Variants in NAAA observed in about 807,000 individuals in gnomAD.
NAAA encodes the protein N-acylethanolamine acid amidase.
NAAA carries 39 observed loss-of-function variants against 44.8 expected under a neutral mutation model. The ratio of observed to expected loss-of-function variants is 0.87; its 90% CI spans 0.67 to 1.14. NAAA has a LOEUF of 1.14. Among genes scored for constraint, NAAA ranks in the 50% most tolerant of loss-of-function variants. The pLI, the probability that NAAA is intolerant of heterozygous loss-of-function variation, is 0.00. For missense variants in NAAA, 460 were observed against 467.8 expected (o/e 0.98, Z 0.15); for synonymous variants, 178 against 191.3 (o/e 0.93, Z 0.58).
intron 5 of NAAA, among the ~76,000 whole-genome samples, chr4:75,924,561 G>A (rs1477443311): frequency 6.6e-6 from 1 of 152,238 alleles, no homozygotes; most frequent in Non-Finnish European, 1.5e-5. Context: ...GGTTCTTGTA[G>A]AGCAGATGTT....
At position 75,940,763 on chromosome 4, in the gene NAAA, C is replaced by T; in HGVS notation, c.187G>A (p.Ala63Thr). The T allele has an allele frequency of 1.3e-6, 2 of 1,597,460 alleles. No homozygotes were observed. Among genetic ancestry groups the T allele is most frequent in the South Asian group, 2.2e-5 (2 of 90,362 alleles). ...GCTCACCCGATGACTTGCGCCATCG[C>T]GGCGCGCACCAAGTCCAAGTCGTAG... ...RHYDLDLVRA[A>T]MAQVIGDRVP... is the part of the protein sequence containing the mutation. The change falls in exon 1 of 11, where the codon GCG becomes ACG. Residue 63 changes from alanine (A) to threonine (T), a missense_variant. Physicochemically the swap from Ala to Thr is moderately conservative, Grantham distance 58 (BLOSUM62 0). Coordinates refer to ENST00000286733, the MANE Select transcript of NAAA (RefSeq NM_014435.4).
At chr4:75,918,090 G>C (rs377208105) in intron 9 of NAAA, among the ~76,000 whole-genome samples, 2 of 152,340 alleles carry the variant, frequency 1.3e-5, no homozygotes, top group South Asian at 2.1e-4. Flanking sequence ...TAGGAATCAA[G>C]AGGTCAGCCA....
chr4:75,929,589 C>T (rs73825583), intron 4 of NAAA, among the ~76,000 whole-genome samples: 250 of 152,262 alleles, frequency 1.6e-3, no homozygotes, highest in African/African-American at 5.6e-3. Flanking sequence ...AATAAATATA[C>T]ATGTAATTAT....
At chr4:75,940,682 G>A (rs1578097567) in intron 1 of NAAA, 62 bp downstream of exon 1, 3 of 1,512,862 alleles carry the variant, frequency 2.0e-6, no homozygotes, top group Non-Finnish European at 1.8e-6. Context: ...TGAGCAGCGC[G>A]CGTTTGACTC....
At chr4:75,918,837 A>T in intron 8 of NAAA, 48 bp from the exon 9 acceptor site, 1 of 1,549,816 alleles carries the variant, frequency 6.5e-7, no homozygotes, top group Non-Finnish European at 8.9e-7. Context: ...TGGTAGAAGA[A>T]ATACACATAG....
chr4:75,911,762 T>C (rs534780856), downstream of NAAA, among the ~76,000 whole-genome samples: 29 of 152,336 alleles, frequency 1.9e-4, no homozygotes, highest in South Asian at 6.0e-3. Context: ...TCTAGCCACA[T>C]GACTCCTGAG....
chr4:75,911,418 G>C (rs912430902), downstream of NAAA: 3 of 471,474 alleles, frequency 6.4e-6, no homozygotes, highest in African/African-American at 6.0e-5. Flanking sequence ...TCAATTAACA[G>C]TCCTAGCAGG....
At chr4:75,940,488 G>A (rs1728167160) in intron 1 of NAAA, among the ~76,000 whole-genome samples, 1 of 152,254 alleles carries the variant, frequency 6.6e-6, no homozygotes, top group African/African-American at 2.4e-5. Flanking sequence ...TGCAGCCCGG[G>A]CGACAACTCG....
Position 75,914,984 on chromosome 4 carries a change from A to G in NAAA, c.1000T>C (p.Phe334Leu), listed in dbSNP as rs6823734. 0.71 allele frequency: 1,132,746 copies of G among 1,606,228 alleles called. 403,602 individuals carry two copies. The highest frequency in any genetic ancestry group is 0.94 in the African/African-American group (70,023 of 74,874). The stretch of plus-strand genomic sequence containing the variant: ...CTCATTACCGTAGTATAAATTGTGA[A>G]GCTGAAAATTATGAGGAAATTTTAT... ...ILSVVPVYNN[F>L]TIYTTVMSAG... is the part of the protein sequence containing the mutation. Residue 334 changes from phenylalanine to leucine, a missense_variant and splice_region_variant, in exon 10 of 11, where the codon TTC (phenylalanine) becomes CTC (leucine). Transcript: ENST00000286733.
chr4:75,912,100 GA>G (rs1474843178), downstream of NAAA, among the ~76,000 whole-genome samples: 2 of 152,158 alleles, frequency 1.3e-5, no homozygotes, highest in African/African-American at 4.8e-5. Context: ...ACAAATATCT[GA>G]AAAGCAACTA....
Position 75,920,744 on chromosome 4 carries a change from T to TAGCAG in NAAA, c.895_896insCTGCT (p.Asp299AlafsTer44). The TAGCAG allele has an allele frequency of 1.2e-6, 2 of 1,614,214 alleles. No individual in the cohort carries two copies. Among genetic ancestry groups the TAGCAG allele is most frequent in the Non-Finnish European group, 1.7e-6 (2 of 1,180,032 alleles). On this transcript the variant is annotated frameshift_variant, in exon 7 of 11. Transcript: ENST00000286733. LOFTEE classifies it high-confidence loss of function. ...AAAGCACGTAGCAGCCTACCTCCGG[T>TAGCAG]CATCTTCCTTGGGTGCTGGCTTCCA...
rs567019913 is a variant in NAAA at position 75,940,308 on chromosome 4, G to A, written c.207-143C>T. 72 of 873,246 alleles carry A rather than the reference G, an allele frequency of 8.2e-5. No homozygotes were observed. The African/African-American group carries it at 1.2e-3, about 14-fold the overall frequency. The allele number at this position is 873,246 out of a possible 1,614,324, so 54.1% of individuals were successfully genotyped here. A position where few individuals can be genotyped will look rare whatever the true frequency, so the allele number is the denominator to read the frequency against. On this transcript the variant is annotated intron_variant, in intron 1 of 10. Transcript: ENST00000286733. Reference sequence around the variant, plus strand: ...CCAGTCAGTGGACCGCCCAGGCGCGGCGTCACTCAATCTGCAGCCTCCCGG... The same window carrying A: ...CCAGTCAGTGGACCGCCCAGGCGCGACGTCACTCAATCTGCAGCCTCCCGG...
intron 5 of NAAA, among the ~76,000 whole-genome samples, chr4:75,922,925 A>T (rs1352400496): frequency 6.6e-6 from 1 of 152,182 alleles, no homozygotes; most frequent in African/African-American, 2.4e-5. Flanking sequence ...GGCACTGGTG[A>T]CTTATTTTAC....
intron 1 of NAAA, 93 bp from the exon 2 acceptor site, chr4:75,940,258 C>G (rs750572191): frequency 7.4e-7 from 1 of 1,360,520 alleles, no homozygotes; most frequent in Non-Finnish European, 9.9e-7. Context: ...ATCCTTAGGG[C>G]GTGAGGTCTC....
chr4:75,917,828 A>G, intron 9 of NAAA: 1 of 409,444 alleles, frequency 2.4e-6, no homozygotes, highest in South Asian at 1.8e-5. Flanking sequence ...GTAAAATCCT[A>G]GGCTATACAC....
intron 5 of NAAA, among the ~76,000 whole-genome samples, chr4:75,925,326 C>T (rs867292098): frequency 6.6e-5 from 10 of 152,182 alleles, no homozygotes; most frequent in African/African-American, 2.2e-4. Flanking sequence ...TGAGCCACTG[C>T]GCCCTGCCTG....
chr4:75,940,724 C>G lies in NAAA; in HGVS notation c.206+20G>C. ...GCAGGGCCGGTGTCCCCGCAGACCC[C>G]GTCCAGGGCCCCAGCTCACCCGATG... On this transcript the variant is annotated intron_variant, in intron 1 of 10. Transcript: ENST00000286733. The G allele has an allele frequency of 6.3e-7, 1 of 1,587,730 alleles. No homozygotes were observed. The highest frequency in any genetic ancestry group is 1.1e-5 in the South Asian group (1 of 89,456).
At chr4:75,930,501 G>T (rs754038427) in intron 4 of NAAA, 1 of 518,230 alleles carries the variant, frequency 1.9e-6, no homozygotes, top group African/African-American at 1.9e-5. Context: ...AGACATGTGA[G>T]GATGTACATG....
chr4:75,912,054 GTCA>G (rs1725347660), downstream of NAAA, among the ~76,000 whole-genome samples: 1 of 152,208 alleles, frequency 6.6e-6, no homozygotes, highest in South Asian at 2.1e-4. Context: ...TTCTCTCACT[GTCA>G]TCATCTTTGC....
Sources: gnomAD v4.1 joint callset for allele counts (sites outside exome capture counted in the v4.1 genomes callset) on GRCh38, gnomAD v4.1.1 for gene constraint, MANE v1.5 for transcripts, NCBI Gene and HGNC (gene_info 2026-07-23, HGNC 2026-07-21) for gene names.